CDH13: variants seen among roughly 807,000 people sequenced by gnomAD.
The protein encoded by CDH13 is cadherin 13, also known as cadherin-13.
A neutral mutation model predicts 63.8 loss-of-function variants in CDH13; 24 were observed. The observed-to-expected ratio is 0.38, with a 90% CI of 0.27 to 0.53. The LOEUF (loss-of-function observed/expected upper bound fraction) is 0.53. Among genes scored for constraint, CDH13 ranks in the 20% least tolerant of loss-of-function variants. The pLI, the probability that CDH13 is intolerant of heterozygous loss-of-function variation, is 0.85. For missense variants in CDH13, 1,049 were observed against 903.1 expected (o/e 1.16, Z -2.07); for synonymous variants, 503 against 355.3 (o/e 1.42, Z -4.67).
intron 6 of CDH13, among the ~76,000 whole-genome samples, chr16:83,482,259 A>G (rs1005370769): frequency 6.6e-6 from 1 of 152,222 alleles, no homozygotes; most frequent in African/African-American, 2.4e-5. Context: ...CGTGTCAGAC[A>G]CTGGGCTTAC....
At chr16:83,469,673 G>A (rs899148330) in intron 6 of CDH13, among the ~76,000 whole-genome samples, 1 of 152,110 alleles carries the variant, frequency 6.6e-6, no homozygotes, top group Non-Finnish European at 1.5e-5. Flanking sequence ...GTCCACATGA[G>A]GCCTTTTCAG....
At chr16:83,200,859 T>C (rs1597504883) in intron 4 of CDH13, among the ~76,000 whole-genome samples, 1 of 152,108 alleles carries the variant, frequency 6.6e-6, no homozygotes, top group East Asian at 1.9e-4. Context: ...TTCATCCAAG[T>C]TGATCTCATT....
intron 6 of CDH13, among the ~76,000 whole-genome samples, chr16:83,353,143 G>A (rs1482097382): frequency 6.6e-6 from 1 of 152,238 alleles, no homozygotes; most frequent in Non-Finnish European, 1.5e-5. Context: ...TCAGGTGATA[G>A]TTACACTAAA....
intron 6 of CDH13, among the ~76,000 whole-genome samples, chr16:83,372,688 G>T (rs974650816): frequency 7.4e-5 from 11 of 149,170 alleles, no homozygotes; most frequent in Non-Finnish European, 1.6e-4. Flanking sequence ...GGAGGCAGAG[G>T]TTGCAGTGAG....
At chr16:83,621,069 C>A (rs557901774) in intron 8 of CDH13, among the ~76,000 whole-genome samples, 4 of 152,158 alleles carry the variant, frequency 2.6e-5, no homozygotes, top group Non-Finnish European at 4.4e-5. Context: ...AGACAGGTAC[C>A]ATGATCGTAA....
chr16:83,370,761 T>C (rs1322527425), intron 6 of CDH13, among the ~76,000 whole-genome samples: 3 of 152,238 alleles, frequency 2.0e-5, no homozygotes, highest in Non-Finnish European at 2.9e-5. Flanking sequence ...CTTAGGATAA[T>C]GGTCTCCATT....
intron 10 of CDH13, among the ~76,000 whole-genome samples, chr16:83,697,351 C>T (rs928352252): frequency 1.3e-5 from 2 of 152,094 alleles, no homozygotes; most frequent in East Asian, 1.9e-4. Context: ...TATTTTTGCA[C>T]GTTTTGTTCG....
intron 2 of CDH13, among the ~76,000 whole-genome samples, chr16:82,958,831 T>C (rs1375834964): frequency 6.6e-6 from 1 of 152,246 alleles, no homozygotes; most frequent in African/African-American, 2.4e-5. Context: ...CCAAAGGCCT[T>C]CAAGTGCATT....
intron 1 of CDH13, among the ~76,000 whole-genome samples, chr16:82,726,548 C>T (rs1487299891): frequency 1.3e-5 from 2 of 152,192 alleles, no homozygotes; most frequent in Non-Finnish European, 2.9e-5. Context: ...TGTTTGCTGA[C>T]CTCTGGATTA....
At chr16:83,254,865 C>T (rs1208580600) in intron 5 of CDH13, among the ~76,000 whole-genome samples, 2 of 152,124 alleles carry the variant, frequency 1.3e-5, no homozygotes, top group East Asian at 3.9e-4. Flanking sequence ...AAAATGGTCC[C>T]TACTAGGGGA....
chr16:82,996,890 G>A (rs530181251), intron 2 of CDH13, among the ~76,000 whole-genome samples: 40 of 152,020 alleles, frequency 2.6e-4, no homozygotes, highest in African/African-American at 9.4e-4. Context: ...TGATGGTGAT[G>A]CTGATGGCGG....
intron 6 of CDH13, among the ~76,000 whole-genome samples, chr16:83,404,838 C>T (rs754946462): frequency 1.4e-4 from 22 of 152,236 alleles, no homozygotes; most frequent in African/African-American, 3.6e-4. Flanking sequence ...CAGGATCTGT[C>T]GGACGCCGTG....
rs185391729 is a variant in CDH13, at chr16:83,077,142, A to C, written c.366+44924A>C. On this transcript the variant is annotated intron_variant, in intron 3 of 13. Coordinates refer to ENST00000567109, the MANE Select transcript of CDH13 (RefSeq NM_001257.5). ...TTTTGTTTGATTTCTTTCACTCAGC[A>C]TAAGATTTTCTTTTTCTTTCTTTTC... Among the ~76,000 whole-genome samples, 1,203 of 140,822 alleles carry C rather than the reference A, an allele frequency of 8.5e-3. 14 individuals are homozygous for C. Among genetic ancestry groups the C allele is most frequent in the African/African-American group, 0.03 (1,137 of 37,656 alleles). 92.4% of individuals were successfully genotyped at this position (140,822 alleles called of 152,430 possible).
At chr16:82,832,417 T>C (rs2038583414) in intron 1 of CDH13, among the ~76,000 whole-genome samples, 1 of 152,154 alleles carries the variant, frequency 6.6e-6, no homozygotes, top group Non-Finnish European at 1.5e-5. Flanking sequence ...GTGTGACTTT[T>C]CATCTCTTCT....
intron 10 of CDH13, 119 bp downstream of exon 10, chr16:83,678,580 A>C: frequency 8.3e-5 from 103 of 1,247,336 alleles, no homozygotes; most frequent in Non-Finnish European, 1.1e-4. Context: ...TAACAATCTC[A>C]GCAAGTGGGA....
chr16:82,640,811 A>G (rs1909306254), intron 1 of CDH13, among the ~76,000 whole-genome samples: 2 of 152,236 alleles, frequency 1.3e-5, no homozygotes, highest in Non-Finnish European at 2.9e-5. Flanking sequence ...CAACTATGGA[A>G]CATAATTCTC....
chr16:83,428,186 T>C (rs1389805724), intron 6 of CDH13, among the ~76,000 whole-genome samples: 1 of 152,166 alleles, frequency 6.6e-6, no homozygotes, highest in Non-Finnish European at 1.5e-5. Flanking sequence ...AGGGGAAAAA[T>C]GAGTTTTATT....
chr16:82,796,224 A>G (rs886832707), intron 1 of CDH13, among the ~76,000 whole-genome samples: 1 of 152,146 alleles, frequency 6.6e-6, no homozygotes, highest in African/African-American at 2.4e-5. Flanking sequence ...CTCTAGCCAG[A>G]AACTGGTTCT....
chr16:83,144,396 T>C (rs2036659398), intron 4 of CDH13, among the ~76,000 whole-genome samples: 1 of 152,168 alleles, frequency 6.6e-6, no homozygotes, highest in African/African-American at 2.4e-5. Flanking sequence ...TTTTAAAAAA[T>C]AAAAATAAAT....
Sources: gnomAD v4.1 joint callset for allele counts (sites outside exome capture counted in the v4.1 genomes callset) on GRCh38, gnomAD v4.1.1 for gene constraint, MANE v1.5 for transcripts, NCBI Gene and HGNC (gene_info 2026-07-23, HGNC 2026-07-21) for gene names.